Variants in AMPD1 observed in about 807,000 individuals in gnomAD.
AMPD1 encodes the protein AMP deaminase 1.
A neutral mutation model predicts 82.9 loss-of-function variants in AMPD1; 74 were observed. The ratio of observed to expected loss-of-function variants is 0.89; its 90% CI spans 0.74 to 1.08. AMPD1 has a LOEUF of 1.08. Among genes scored for constraint, AMPD1 ranks in the 50% least tolerant of loss-of-function variants. The pLI, the probability that AMPD1 is intolerant of heterozygous loss-of-function variation, is 0.00. For synonymous variants in AMPD1, 333 were observed against 320.5 expected, an observed-to-expected ratio of 1.04 and a Z score of -0.42; for missense variants, 881 against 924.5, an observed-to-expected ratio of 0.95 and a Z score of 0.61.
chr1:114,676,485 T>C (rs1657984273), intron 10 of AMPD1, among the ~76,000 whole-genome samples: 1 of 152,204 alleles, frequency 6.6e-6, no homozygotes, highest in Non-Finnish European at 1.5e-5. Flanking sequence ...AGTTAGGTAT[T>C]GTTTTTAACC....
chr1:114,674,042 G>A lies in AMPD1; in HGVS notation c.1841C>T (p.Pro614Leu). The A allele has an allele frequency of 6.2e-7, 1 of 1,614,002 alleles. No individual in the cohort carries two copies. The highest frequency in any genetic ancestry group is 8.5e-7 in the Non-Finnish European group (1 of 1,179,950). Residue 614 changes from proline (P) to leucine (L), a missense_variant, in exon 14 of 16, where the codon CCC becomes CTC. Physicochemically the swap from Pro to Leu is moderately conservative, Grantham distance 98. Transcript: ENST00000520113. ...GTTACTTAGTGGTGACATGGCGATG[G>A]GAATTTGGGCTAAGAAAAACAAGTA... ...LQYLFFLAQI[P>L]IAMSPLSNNS...
At chr1:114,677,202 AAAACCAAGCAT>A in intron 10 of AMPD1, 138 bp downstream of exon 10, 1 of 1,064,284 alleles carries the variant, frequency 9.4e-7, no homozygotes. Flanking sequence ...CAGAGTGGAC[AAAACCAAGCAT>A]GCAGGACCCG....
intron 4 of AMPD1, among the ~76,000 whole-genome samples, chr1:114,685,292 A>G (rs1353294005): frequency 1.3e-5 from 2 of 152,220 alleles, no homozygotes; most frequent in Non-Finnish European, 2.9e-5. Context: ...CAGGTCCTCA[A>G]GAATGAGAGC....
At chr1:114,684,101 T>C in intron 5 of AMPD1, 98 bp downstream of exon 5, 1 of 1,303,874 alleles carries the variant, frequency 7.7e-7, no homozygotes, top group South Asian at 1.3e-5. Context: ...TATGATATTT[T>C]TAGACTGGAT....
chr1:114,693,028 G>A (rs1050525062), intron 2 of AMPD1, among the ~76,000 whole-genome samples: 10 of 151,474 alleles, frequency 6.6e-5, no homozygotes, highest in African/African-American at 2.4e-4. Flanking sequence ...GGGAGGCTGA[G>A]GCAAGATAAT....
intron 5 of AMPD1, 64 bp downstream of exon 5, chr1:114,684,135 T>TAGTAGTTTAAA: frequency 1.3e-6 from 2 of 1,513,636 alleles, no homozygotes; most frequent in Non-Finnish European, 1.8e-6. Flanking sequence ...GAGGCATATT[T>TAGTAGTTTAAA]TAAATTTAAT....
At chr1:114,679,983 G>C (rs912887207) in intron 6 of AMPD1, among the ~76,000 whole-genome samples, 1 of 152,210 alleles carries the variant, frequency 6.6e-6, no homozygotes, top group Non-Finnish European at 1.5e-5. Flanking sequence ...CAGCAGATTC[G>C]AGTGTGAATC....
At position 114,678,386 on chromosome 1, in the gene AMPD1, T is replaced by C; in HGVS notation, c.1039A>G (p.Lys347Glu). The change falls in exon 8 of 16, where the codon AAA (lysine) becomes GAA (glutamate). Residue 347 changes from lysine (K) to glutamate (E), a missense_variant. Coordinates refer to ENST00000520113, the MANE Select transcript of AMPD1 (RefSeq NM_000036.3). The part of the protein sequence containing the change: ...KNLTLKELFA[K>E]LKMHPYDLTV... ...AGGTCATAAGGATGCATTTTTAATT[T>C]AGCAAAAAGTTCCTTTAGGGTCAGA... is the stretch of plus-strand genomic sequence containing the variant. 1 of 1,614,166 alleles carries C rather than the reference T, an allele frequency of 6.2e-7. No individual in the cohort carries two copies. The highest frequency in any genetic ancestry group is 8.5e-7 in the Non-Finnish European group (1 of 1,180,034).
intron 1 of AMPD1, among the ~76,000 whole-genome samples, chr1:114,694,515 A>G (rs1382476830): frequency 6.6e-6 from 1 of 152,168 alleles, no homozygotes; most frequent in South Asian, 2.1e-4. Flanking sequence ...GTTAAGAGTG[A>G]ATATCTTTGG....
chr1:114,679,526 A>G (rs1658090751), intron 7 of AMPD1, 53 bp downstream of exon 7: 2 of 1,605,132 alleles, frequency 1.2e-6, no homozygotes, highest in African/African-American at 2.7e-5. Context: ...TTCTCAATAA[A>G]TAATTGAATT....
At chr1:114,674,896 G>A (rs1204896238) in intron 12 of AMPD1, 24 bp from the exon 13 acceptor site, 1 of 1,613,828 alleles carries the variant, frequency 6.2e-7, no homozygotes. Context: ...ACTGCTATTG[G>A]AATCGCAGGT....
chr1:114,675,017 C>A (rs1570837275), intron 12 of AMPD1, 145 bp from the exon 13 acceptor site: 7 of 1,104,864 alleles, frequency 6.3e-6, no homozygotes, highest in Non-Finnish European at 9.2e-6. Flanking sequence ...AATCTTAATT[C>A]TTGCTAAATA....
rs76816611 is a variant in AMPD1, at chr1:114,678,715, A to T, written c.898-188T>A. Among the ~76,000 whole-genome samples, 10,274 of 152,264 alleles carry T rather than the reference A, an allele frequency of 0.067. 414 individuals are homozygous for T. Among genetic ancestry groups the T allele is most frequent in the Middle Eastern group, 0.099 (29 of 294 alleles). ...ACAACTGTGGCGTGCCCATGCAAGG[A>T]TGTGAAAGGTTAGGCTAGAGGCAAT... On this transcript the variant is annotated intron_variant, in intron 7 of 15. Coordinates refer to ENST00000520113, the MANE Select transcript of AMPD1 (RefSeq NM_000036.3).
intron 10 of AMPD1, 128 bp from the exon 11 acceptor site, chr1:114,676,131 T>G (rs1657974976): frequency 1.8e-6 from 2 of 1,119,722 alleles, no homozygotes; most frequent in Non-Finnish European, 2.6e-6. Flanking sequence ...CCTAGGTCCA[T>G]GCTCCTCATA....
At chr1:114,688,995 T>A in intron 2 of AMPD1, 1 of 699,124 alleles carries the variant, frequency 1.4e-6, no homozygotes, top group Non-Finnish European at 2.7e-6. Flanking sequence ...AAGATGGTCC[T>A]AAAGATGAGA....
intron 1 of AMPD1, 24 bp from the exon 2 acceptor site, chr1:114,693,471 G>A: frequency 6.2e-7 from 1 of 1,601,786 alleles, no homozygotes. Context: ...AATAAAACAA[G>A]ATAAAATATG....
chr1:114,684,788 A>G (rs990022356), intron 4 of AMPD1, among the ~76,000 whole-genome samples: 4 of 152,196 alleles, frequency 2.6e-5, no homozygotes, highest in African/African-American at 7.2e-5. Context: ...GAGAATTCAA[A>G]CCACTCGGTC....
At position 114,679,649 on chromosome 1, in the gene AMPD1, A is replaced by G; in HGVS notation, c.827T>C (p.Met276Thr). 1 of 1,614,108 alleles carries G rather than the reference A, an allele frequency of 6.2e-7. No homozygotes were observed. The highest frequency in any genetic ancestry group is 8.5e-7 in the Non-Finnish European group (1 of 1,180,004). The change falls in exon 7 of 16, where the codon ATG becomes ACG. Residue 276 changes from methionine to threonine, a missense_variant. Met to Thr is a moderately conservative substitution (Grantham distance 81). Around this residue, in one of 2 missense-constraint regions of AMPD1, gnomAD observed 783 missense variants for 786.4 expected, o/e 1.00. Transcript: ENST00000520113. ...CTTTAACTCGTCCATCTCGTTAAGC[A>G]TCTGATGGACCTGGAACTTGGAGGA... ...FLSSKFQVHQ[M>T]LNEMDELKEL...
intron 14 of AMPD1, 24 bp downstream of exon 14, chr1:114,673,885 G>C: frequency 6.2e-7 from 1 of 1,612,042 alleles, no homozygotes. Flanking sequence ...AAATATGCTT[G>C]TATTGCCCAA....
Sources: allele counts gnomAD v4.1 joint callset (sites outside exome capture counted in the v4.1 genomes callset), GRCh38; gene constraint gnomAD v4.1.1; regional missense constraint gnomAD v4.1.1; transcripts MANE v1.5; gene names NCBI Gene and HGNC (gene_info 2026-07-23, HGNC 2026-07-21).